Variants in TMBIM1 observed in about 807,000 individuals in gnomAD.
TMBIM1 encodes the protein protein lifeguard 3.
TMBIM1 carries 34 observed loss-of-function variants against 45.1 expected under a neutral mutation model. The ratio of observed to expected loss-of-function variants is 0.75; its 90% CI spans 0.57 to 1.00. The LOEUF (loss-of-function observed/expected upper bound fraction) is 1.00. Among genes scored for constraint, TMBIM1 ranks in the 50% least tolerant of loss-of-function variants. The pLI, the probability that TMBIM1 is intolerant of heterozygous loss-of-function variation, is 0.00. For missense variants in TMBIM1, 374 were observed against 402.4 expected (o/e 0.93, Z 0.60); for synonymous variants, 157 against 153.5 (o/e 1.02, Z -0.17).
chr2:218,277,338 G>C, intron 9 of TMBIM1, 28 bp downstream of exon 9: 1 of 1,603,102 alleles, frequency 6.2e-7, no homozygotes, highest in Non-Finnish European at 8.5e-7. Context: ...GAGTCGGGGG[G>C]CCAGGGAAGG....
chr2:218,287,014 T>A (rs899149665), intron 1 of TMBIM1, among the ~76,000 whole-genome samples: 1 of 152,108 alleles, frequency 6.6e-6, no homozygotes, highest in East Asian at 1.9e-4. Context: ...GCTGACCTCA[T>A]AGCCACGAGA....
At chr2:218,282,669 G>C (rs1440010764) in intron 1 of TMBIM1, among the ~76,000 whole-genome samples, 1 of 152,220 alleles carries the variant, frequency 6.6e-6, no homozygotes, top group Non-Finnish European at 1.5e-5. Flanking sequence ...CTGGGTTGGA[G>C]CCAAGGCTCA....
intron 1 of TMBIM1, chr2:218,284,275 T>C (rs905881574): frequency 2.6e-5 from 4 of 151,210 alleles, no homozygotes; most frequent in African/African-American, 7.3e-5. Flanking sequence ...CTCTGTGAAA[T>C]AAGGTGGGGG....
intron 6 of TMBIM1, 29 bp downstream of exon 6, chr2:218,278,484 CCT>C: frequency 6.2e-7 from 1 of 1,610,168 alleles, no homozygotes; most frequent in Non-Finnish European, 8.5e-7. Flanking sequence ...CCCTGTCACC[CCT>C]CTCACTGTGT....
intron 6 of TMBIM1, 155 bp from the exon 7 acceptor site, chr2:218,278,129 G>A: frequency 1.3e-6 from 1 of 775,824 alleles, no homozygotes; most frequent in Non-Finnish European, 2.1e-6. Context: ...CTGTTCAGGT[G>A]TGGTACGCAG....
chr2:218,278,273 ATTTG>A, intron 6 of TMBIM1: 1 of 607,816 alleles, frequency 1.6e-6, no homozygotes, highest in Non-Finnish European at 2.9e-6. Context: ...GGTTCTTCCT[ATTTG>A]TTAACTGGCT....
chr2:218,282,693 G>C (rs1280173642), intron 1 of TMBIM1, among the ~76,000 whole-genome samples: 1 of 152,208 alleles, frequency 6.6e-6, no homozygotes, highest in Non-Finnish European at 1.5e-5. Flanking sequence ...TGGAGAGCCG[G>C]GGGAAGAAGT....
intron 2 of TMBIM1, chr2:218,280,720 C>T (rs1313814296): frequency 6.5e-6 from 1 of 152,852 alleles, no homozygotes; most frequent in Non-Finnish European, 1.5e-5. Context: ...GCCTGAATGC[C>T]TGAATGCCTC....
chr2:218,285,696 G>A (rs1385465233), intron 1 of TMBIM1: 1 of 152,414 alleles, frequency 6.6e-6, no homozygotes, highest in African/African-American at 2.4e-5. Context: ...AGAGAGACCT[G>A]GGCACAGGAG....
chr2:218,279,616 C>A (rs919593727), intron 3 of TMBIM1: 9 of 498,670 alleles, frequency 1.8e-5, no homozygotes, highest in Non-Finnish European at 3.2e-5. Context: ...CCATACTCTA[C>A]CAGTATGGCC....
In TMBIM1 at chr2:218,279,066, T is replaced by C. The variant is rs776849578; in HGVS notation, c.394A>G (p.Arg132Gly). The part of the protein sequence containing the change: ...FVEPVSAFVR[R>G]NVAVYYVSYA... Reference sequence around the variant, plus strand: ...GACACGTAGTAGACAGCCACATTTCTCCTCACAAAGGCGCTGACAGGTTCC... The same window carrying C: ...GACACGTAGTAGACAGCCACATTTCCCCTCACAAAGGCGCTGACAGGTTCC... Residue 132 changes from arginine to glycine, a missense_variant, in exon 5 of 12, where the codon AGA becomes GGA. Transcript: ENST00000258412. 6.2e-7 allele frequency: 1 copy of C among 1,614,098 alleles called. No individual in the cohort carries two copies. Among genetic ancestry groups the C allele is most frequent in the Admixed American group, 1.7e-5 (1 of 60,014 alleles).
chr2:218,284,259 G>A (rs1692317682), intron 1 of TMBIM1: 1 of 152,084 alleles, frequency 6.6e-6, no homozygotes, highest in Non-Finnish European at 1.5e-5. Flanking sequence ...CCTCCTCAGG[G>A]TGCACCTCTG....
In TMBIM1 at chr2:218,278,394, T is replaced by G. The variant is rs1691479535; in HGVS notation, c.473+121A>C. 3.9e-6 allele frequency: 4 copies of G among 1,037,362 alleles called. No homozygotes were observed. The South Asian group carries it at 5.4e-5, about 14-fold the overall frequency. The allele number at this position is 1,037,362 out of a possible 1,614,324, so 64.3% of individuals were successfully genotyped here. A position where few individuals can be genotyped will look rare whatever the true frequency, so the allele number is the denominator to read the frequency against. Reference sequence around the variant, plus strand: ...TGAACAGTAGCTGTCATCGTCATCCTCCTCCTCATTTCTTGTAAGTTTCCA... The same window carrying G: ...TGAACAGTAGCTGTCATCGTCATCCGCCTCCTCATTTCTTGTAAGTTTCCA... On this transcript the variant is annotated intron_variant, in intron 6 of 11. Transcript: ENST00000258412.
chr2:218,287,625 G>T (rs1044249929), intron 1 of TMBIM1, among the ~76,000 whole-genome samples: 1 of 152,206 alleles, frequency 6.6e-6, no homozygotes. Flanking sequence ...CAGGGGGATC[G>T]CTCGAACCCG....
rs1691084271 is a variant in TMBIM1, at chr2:218,275,322, C to A, written c.*153G>T. On this transcript the variant is annotated 3_prime_UTR_variant, in exon 12 of 12. Coordinates refer to ENST00000258412, the MANE Select transcript of TMBIM1 (RefSeq NM_022152.6). ...CACCAAGTACCCACACATCCATAGC[C>A]AGAGAGGCCACCTGTCTCCAGGACA... is the stretch of plus-strand genomic sequence containing the variant. 1 of 1,040,422 alleles carries A rather than the reference C, an allele frequency of 9.6e-7. No homozygotes were observed. Among genetic ancestry groups the A allele is most frequent in the Non-Finnish European group, 1.3e-6 (1 of 748,712 alleles). The allele number at this position is 1,040,422 out of a possible 1,614,324, so 64.4% of individuals were successfully genotyped here.
Position 218,277,647 on chromosome 2 carries a change from C to T in TMBIM1, c.537G>A (p.Thr179=), listed in dbSNP as rs181300023. ...TLFTFAMGFM[T]GTISSMYQTK... ...CCTGAATGTACCTGGAAATGGTGCCCGTCATGAAGCCCATGGCAAAAGTCT... is the reference window on the plus strand; with the variant it reads ...CCTGAATGTACCTGGAAATGGTGCCTGTCATGAAGCCCATGGCAAAAGTCT... The change falls in exon 8 of 12, where the codon ACG becomes ACA. Residue 179 remains threonine (T), a synonymous_variant. Transcript: ENST00000258412. 28 of 1,614,116 alleles carry T rather than the reference C, an allele frequency of 1.7e-5. No homozygotes were observed. Among genetic ancestry groups the T allele is most frequent in the African/African-American group, 1.7e-4 (13 of 75,014 alleles).
chr2:218,282,055 T>C lies in TMBIM1; in HGVS notation c.87A>G (p.Pro29=), dbSNP rs200444652. The C allele has an allele frequency of 6.5e-4, 1,029 of 1,593,528 alleles. 15 individuals carry two copies. Among genetic ancestry groups the C allele is most frequent in the Admixed American group, 1.7e-3 (96 of 57,744 alleles). The part of the protein sequence containing the change: ...GPPPPGGYGQ[P]SVLPGGYPAY... The stretch of plus-strand genomic sequence containing the variant: ...CAGGATACCCTCCTGGCAGGACAGA[T>C]GGCTGCCCATAGCCCCCAGGGGGCG... Residue 29 remains proline, a synonymous_variant, in exon 2 of 12, where the codon CCA becomes CCG. Coordinates refer to ENST00000258412, the MANE Select transcript of TMBIM1 (RefSeq NM_022152.6).
At chr2:218,281,242 TCTC>T (rs1691957018) in intron 2 of TMBIM1, among the ~76,000 whole-genome samples, 1 of 150,794 alleles carries the variant, frequency 6.6e-6, no homozygotes, top group Admixed American at 6.6e-5. Context: ...TGCAAGCGAT[TCTC>T]CTGCCTCAGC....
At chr2:218,280,287 AGTG>A in intron 2 of TMBIM1, 161 bp from the exon 3 acceptor site, 1 of 604,210 alleles carries the variant, frequency 1.7e-6, no homozygotes, top group Non-Finnish European at 3.0e-6. Context: ...ACACCCTCAG[AGTG>A]ACCCAGAGCC....
Sources: gnomAD v4.1 joint callset for allele counts (sites outside exome capture counted in the v4.1 genomes callset) on GRCh38, gnomAD v4.1.1 for gene constraint, MANE v1.5 for transcripts, NCBI Gene and HGNC (gene_info 2026-07-23, HGNC 2026-07-21) for gene names.